SOCS7: variants seen among roughly 807,000 people sequenced by gnomAD.
SOCS7 encodes the protein NAP-4.
Under a neutral mutation model 58.9 loss-of-function variants are expected in SOCS7, and 18 were observed. The observed-to-expected ratio is 0.31, with a 90% CI of 0.21 to 0.45. SOCS7 has a LOEUF of 0.45. Among genes scored for constraint, SOCS7 ranks in the 20% least tolerant of loss-of-function variants. The pLI is 1.00. For missense variants in SOCS7, 667 were observed against 837.3 expected (o/e 0.80, Z 2.51); for synonymous variants, 388 against 364.3 (o/e 1.06, Z -0.74).
chr17:38,398,814 C>T (rs940528545), intron 9 of SOCS7, among the ~76,000 whole-genome samples: 6 of 152,084 alleles, frequency 3.9e-5, no homozygotes, highest in African/African-American at 1.4e-4. Flanking sequence ...GCTCTCTGGC[C>T]AGGTGTGATG....
In SOCS7 at chr17:38,353,040, C is replaced by T. The variant is rs749383408; in HGVS notation, c.980+8C>T. On this transcript the variant is annotated splice_region_variant and intron_variant, in intron 1 of 9. Transcript: ENST00000612932. ...GGAGCTGGACGCGGGGAGGTGAGAC[C>T]GGCCGGGGGCTGGCCGACAAACTTC... 11 of 1,560,100 alleles carry T rather than the reference C, an allele frequency of 7.1e-6. No individual in the cohort carries two copies. The highest frequency in any genetic ancestry group is 2.0e-5 in the Admixed American group (1 of 49,766).
intron 7 of SOCS7, among the ~76,000 whole-genome samples, chr17:38,379,484 C>T (rs902775729): frequency 1.3e-5 from 2 of 151,956 alleles, no homozygotes; most frequent in Non-Finnish European, 2.9e-5. Flanking sequence ...TTCAAAAAAA[C>T]AAAAACAACA....
chr17:38,364,953 G>A lies in SOCS7; in HGVS notation c.1150+97G>A, dbSNP rs587687082. The stretch of plus-strand genomic sequence containing the variant: ...GGGCCGACCACGCTTCTGGGTTTCC[G>A]ATGATGACTCAATTATTTCCCAGCT... On this transcript the variant is annotated intron_variant, in intron 3 of 9. Coordinates refer to ENST00000612932, the MANE Select transcript of SOCS7 (RefSeq NM_014598.4). 4.2e-5 allele frequency: 36 copies of A among 852,518 alleles called. No homozygotes were observed. In the African/African-American group the frequency reaches 5.5e-4, roughly 13 times the overall value. 52.8% of individuals were successfully genotyped at this position (852,518 alleles called of 1,614,324 possible).
At chr17:38,395,201 G>A (rs2038229355) in intron 7 of SOCS7, 108 bp from the exon 8 acceptor site, 1 of 1,140,588 alleles carries the variant, frequency 8.8e-7, no homozygotes, top group Admixed American at 2.3e-5. Context: ...ATACATATAT[G>A]AACCATAAAG....
intron 7 of SOCS7, among the ~76,000 whole-genome samples, chr17:38,379,627 G>C (rs2037976672): frequency 6.6e-6 from 1 of 152,114 alleles, no homozygotes; most frequent in Admixed American, 6.5e-5. Flanking sequence ...CTAGGAACAG[G>C]TTGAGCCAGG....
At chr17:38,356,500 G>A (rs1597681185) in intron 1 of SOCS7, among the ~76,000 whole-genome samples, 1 of 151,858 alleles carries the variant, frequency 6.6e-6, no homozygotes, top group South Asian at 2.1e-4. Flanking sequence ...GAATAGCTGG[G>A]ACTACAGGTA....
At chr17:38,369,428 A>G (rs1352086955) in intron 6 of SOCS7, among the ~76,000 whole-genome samples, 1 of 152,148 alleles carries the variant, frequency 6.6e-6, no homozygotes, top group Non-Finnish European at 1.5e-5. Flanking sequence ...CAATCCAATG[A>G]CCTGGGAATG....
intron 6 of SOCS7, among the ~76,000 whole-genome samples, chr17:38,373,378 C>T (rs1404217046): frequency 6.6e-6 from 1 of 152,080 alleles, no homozygotes; most frequent in African/African-American, 2.4e-5. Context: ...GGATATCTGC[C>T]TGAACAGGTT....
At chr17:38,368,991 A>C (rs2037827569) in intron 6 of SOCS7, among the ~76,000 whole-genome samples, 1 of 152,228 alleles carries the variant, frequency 6.6e-6, no homozygotes, top group South Asian at 2.1e-4. Context: ...CATGCCTAGA[A>C]GCCGACTTGT....
intron 4 of SOCS7, 183 bp from the exon 5 acceptor site, chr17:38,366,104 G>T (rs1360592798): frequency 8.1e-7 from 1 of 1,241,644 alleles, no homozygotes; most frequent in Non-Finnish European, 1.1e-6. Flanking sequence ...GCTTACACAA[G>T]CCCACACAGC....
chr17:38,394,386 G>A (rs563369714), intron 7 of SOCS7, among the ~76,000 whole-genome samples: 1 of 152,206 alleles, frequency 6.6e-6, no homozygotes, highest in South Asian at 2.1e-4. Context: ...ATGGGGGTTG[G>A]GTATAAAAGG....
At chr17:38,357,086 CTATT>C (rs1376833288) in intron 1 of SOCS7, among the ~76,000 whole-genome samples, 1 of 152,060 alleles carries the variant, frequency 6.6e-6, no homozygotes, top group Non-Finnish European at 1.5e-5. Flanking sequence ...GGTTTCCTAT[CTATT>C]TATTTGGGGG....
chr17:38,371,423 C>A (rs1372189691), intron 6 of SOCS7, among the ~76,000 whole-genome samples: 2 of 152,176 alleles, frequency 1.3e-5, no homozygotes, highest in Non-Finnish European at 2.9e-5. Flanking sequence ...ACGCGTGCCA[C>A]CACGCCCAGC....
intron 7 of SOCS7, among the ~76,000 whole-genome samples, chr17:38,392,073 G>A (rs2038179220): frequency 6.6e-6 from 1 of 152,196 alleles, no homozygotes; most frequent in African/African-American, 2.4e-5. Flanking sequence ...TTTAGTCCCA[G>A]TTGGGTCTTA....
chr17:38,365,229 C>A, intron 3 of SOCS7, 79 bp from the exon 4 acceptor site: 2 of 1,079,766 alleles, frequency 1.9e-6, no homozygotes, highest in Non-Finnish European at 2.7e-6. Flanking sequence ...CCTGATAGTC[C>A]TTCTCCCTCT....
chr17:38,371,890 G>C (rs887130310), intron 6 of SOCS7, among the ~76,000 whole-genome samples: 2 of 149,528 alleles, frequency 1.3e-5, no homozygotes, highest in Non-Finnish European at 3.0e-5. Flanking sequence ...TTTAAAGTTT[G>C]AGGTGGGATC....
intron 7 of SOCS7, among the ~76,000 whole-genome samples, chr17:38,393,418 C>G (rs944107341): frequency 4.6e-5 from 7 of 152,116 alleles, no homozygotes; most frequent in Non-Finnish European, 8.8e-5. Context: ...AGGTGGATCA[C>G]CTGAGGTCAG....
At chr17:38,369,548 G>T (rs909117230) in intron 6 of SOCS7, among the ~76,000 whole-genome samples, 3 of 152,178 alleles carry the variant, frequency 2.0e-5, no homozygotes, top group Admixed American at 2.0e-4. Context: ...GCATTTCAGA[G>T]TGAAGTATTT....
At chr17:38,354,141 T>C (rs1254320669) in intron 1 of SOCS7, among the ~76,000 whole-genome samples, 3 of 152,228 alleles carry the variant, frequency 2.0e-5, no homozygotes, top group African/African-American at 7.2e-5. Flanking sequence ...TCAACTTTGG[T>C]GTCAGTGAAA....
Sources: gnomAD v4.1 joint callset for allele counts (sites outside exome capture counted in the v4.1 genomes callset) on GRCh38, gnomAD v4.1.1 for gene constraint, MANE v1.5 for transcripts, NCBI Gene and HGNC (gene_info 2026-07-23, HGNC 2026-07-21) for gene names.